Variants in GRIA2 observed in about 807,000 individuals in gnomAD.
GRIA2 encodes the protein glutamate receptor 2.
In GRIA2, 14 loss-of-function variants were observed where a neutral mutation model predicts 97.3. The observed-to-expected ratio is 0.14, with a 90% CI of 0.10 to 0.23. The LOEUF (loss-of-function observed/expected upper bound fraction) is 0.23, where lower values mean the gene tolerates loss of function less well. GRIA2 is among the 10% of genes least tolerant of loss of function. The pLI, the probability that GRIA2 is intolerant of heterozygous loss-of-function variation, is 1.00. For missense variants in GRIA2, 558 were observed against 1,069.8 expected, an observed-to-expected ratio of 0.52 and a Z score of 6.67; for synonymous variants, 412 against 387.8, an observed-to-expected ratio of 1.06 and a Z score of -0.73.
chr4:157,220,297 CGGA>C (rs1729426116), upstream of GRIA2: 1 of 152,224 alleles, frequency 6.6e-6, no homozygotes, highest in Non-Finnish European at 1.5e-5. Context: ...ACACAGCAGC[CGGA>C]GATCAGCTTT....
chr4:157,288,683 C>A (rs2126830230), intron 2 of GRIA2, among the ~76,000 whole-genome samples: 1 of 151,784 alleles, frequency 6.6e-6, no homozygotes, highest in Non-Finnish European at 1.5e-5. Flanking sequence ...GAAGATTTAG[C>A]CATTAGAAAC....
At position 157,363,886 on chromosome 4, in the gene GRIA2, T is replaced by C. The variant is rs1213789177; in HGVS notation, c.*455T>C. ...CTGTTTCTGCAGCCACTATTGTTAG[T>C]CTCTTGATTCATAATGACTTAAGCA... On this transcript the variant is annotated 3_prime_UTR_variant, in exon 16 of 16. Transcript: ENST00000264426. The C allele has an allele frequency of 4.3e-6, 1 of 234,738 alleles. No homozygotes were observed. Among genetic ancestry groups the C allele is most frequent in the East Asian group, 8.3e-5 (1 of 12,030 alleles). 14.5% of individuals were successfully genotyped at this position (234,738 alleles called of 1,614,324 possible). A position where few individuals can be genotyped will look rare whatever the true frequency, so the allele number is the denominator to read the frequency against.
intron 6 of GRIA2, among the ~76,000 whole-genome samples, chr4:157,329,068 G>A (rs975594514): frequency 6.6e-6 from 1 of 151,788 alleles, no homozygotes; most frequent in Admixed American, 6.6e-5. Flanking sequence ...TTTCCATAGG[G>A]TAAACTGTAG....
At chr4:157,337,393 G>A (rs1489954678) in intron 11 of GRIA2, among the ~76,000 whole-genome samples, 2 of 151,978 alleles carry the variant, frequency 1.3e-5, no homozygotes, top group African/African-American at 2.4e-5. Context: ...ATTATGATAT[G>A]TTAAATCCCT....
In GRIA2 at chr4:157,332,870, C is replaced by T. The variant is rs1408962625; in HGVS notation, c.934C>T (p.Arg312Cys). The change falls in exon 7 of 16, where the codon CGC (arginine) becomes TGC (cysteine). Residue 312 changes from arginine to cysteine, a missense_variant. Arg to Cys is a radical substitution (Grantham distance 180, BLOSUM62 -3). Coordinates refer to ENST00000264426, the MANE Select transcript of GRIA2 (RefSeq NM_001083619.3). The part of the protein sequence containing the change: ...DAVQVMTEAF[R>C]NLRKQRIEIS... ...CGTTCAAGTGATGACTGAAGCCTTC[C>T]GCAACCTAAGGAAGCAAAGAATTGA... 8 of 1,612,290 alleles carry T rather than the reference C, an allele frequency of 5.0e-6. No homozygotes were observed. Among genetic ancestry groups the T allele is most frequent in the Admixed American group, 1.7e-5 (1 of 59,896 alleles).
chr4:157,282,802 G>A (rs550805655), intron 2 of GRIA2, among the ~76,000 whole-genome samples: 209 of 152,144 alleles, frequency 1.4e-3, no homozygotes, highest in African/African-American at 4.9e-3. Context: ...TTCTGGCAAT[G>A]TTTACCAATC....
chr4:157,265,371 G>T (rs905029456), intron 2 of GRIA2, among the ~76,000 whole-genome samples: 2 of 152,128 alleles, frequency 1.3e-5, no homozygotes, highest in Admixed American at 1.3e-4. Context: ...TAGGTTTACA[G>T]GTATCAGCTG....
chr4:157,266,268 T>C (rs1181142737), intron 2 of GRIA2, among the ~76,000 whole-genome samples: 1 of 152,086 alleles, frequency 6.6e-6, no homozygotes, highest in Non-Finnish European at 1.5e-5. Flanking sequence ...AGAACTGCAT[T>C]GCATAACTGA....
intron 2 of GRIA2, among the ~76,000 whole-genome samples, chr4:157,248,553 G>GTA (rs1169850592): frequency 1.2e-4 from 17 of 142,984 alleles, no homozygotes; most frequent in Non-Finnish European, 1.1e-4. Context: ...GTGTGTGTGT[G>GTA]TATATATATA....
Position 157,365,571 on chromosome 4 carries a change from A to G in GRIA2, c.*2140A>G, listed in dbSNP as rs986120377. Reference sequence around the variant, plus strand: ...TATAGATACAACATGACAAGAATACATAATGTAAGAGTATTTCAACTATGG... The same window carrying G: ...TATAGATACAACATGACAAGAATACGTAATGTAAGAGTATTTCAACTATGG... On this transcript the variant is annotated 3_prime_UTR_variant, in exon 16 of 16. Coordinates refer to ENST00000264426, the MANE Select transcript of GRIA2 (RefSeq NM_001083619.3). The G allele has an allele frequency of 3.9e-5, 6 of 152,010 alleles. No homozygotes were observed. Among genetic ancestry groups the G allele is most frequent in the African/African-American group, 1.4e-4 (6 of 41,396 alleles). 9.4% of individuals were successfully genotyped at this position (152,010 alleles called of 1,614,324 possible). A position where few individuals can be genotyped will look rare whatever the true frequency, so the allele number is the denominator to read the frequency against.
In GRIA2 at chr4:157,342,416, A is replaced by G. The variant is rs574028551; in HGVS notation, c.2043+954A>G. On this transcript the variant is annotated intron_variant, in intron 12 of 15. Coordinates refer to ENST00000264426, the MANE Select transcript of GRIA2 (RefSeq NM_001083619.3). ...GAGTGGGGGTGGTAGAACCATGGCT[A>G]ATAACAGATAGTAACTTGGGTGTAT... The G allele has an allele frequency of 8.1e-6, 8 of 983,920 alleles. No homozygotes were observed. In the African/African-American group the frequency reaches 1.4e-4, roughly 17 times the overall value. The allele number at this position is 983,920 out of a possible 1,614,324, so 60.9% of individuals were successfully genotyped here. A position where few individuals can be genotyped will look rare whatever the true frequency, so the allele number is the denominator to read the frequency against.
chr4:157,278,943 A>C (rs1732472409), intron 2 of GRIA2, among the ~76,000 whole-genome samples: 2 of 152,126 alleles, frequency 1.3e-5, no homozygotes, highest in African/African-American at 2.4e-5. Context: ...AATATCCAGA[A>C]CACTGACAAC....
At chr4:157,247,776 G>C (rs879710166) in intron 2 of GRIA2, among the ~76,000 whole-genome samples, 10 of 152,106 alleles carry the variant, frequency 6.6e-5, no homozygotes, top group African/African-American at 9.7e-5. Flanking sequence ...ACACCAGAAT[G>C]AGGCACAGGA....
intron 2 of GRIA2, among the ~76,000 whole-genome samples, chr4:157,248,571 G>A (rs377300233): frequency 8.8e-4 from 4 of 4,526 alleles, no homozygotes; most frequent in African/African-American, 3.7e-3. Context: ...ATATACGTGT[G>A]TATATATATA....
At chr4:157,232,957 G>T (rs1260454466) in intron 2 of GRIA2, among the ~76,000 whole-genome samples, 3 of 152,254 alleles carry the variant, frequency 2.0e-5, no homozygotes, top group Non-Finnish European at 4.4e-5. Flanking sequence ...TTGTTTGCAA[G>T]ATACGCATTA....
chr4:157,342,289 T>C, intron 12 of GRIA2: 1 of 983,774 alleles, frequency 1.0e-6, no homozygotes, highest in Non-Finnish European at 1.2e-6. Context: ...GACCTTCAAA[T>C]GGCCATCAAA....
chr4:157,234,198 A>G (rs1379846094), intron 2 of GRIA2, among the ~76,000 whole-genome samples: 1 of 152,112 alleles, frequency 6.6e-6, no homozygotes, highest in South Asian at 2.1e-4. Context: ...TGCATATAAT[A>G]TAGTGATTAA....
At chr4:157,268,166 A>C (rs901714147) in intron 2 of GRIA2, among the ~76,000 whole-genome samples, 1 of 152,080 alleles carries the variant, frequency 6.6e-6, no homozygotes, top group African/African-American at 2.4e-5. Flanking sequence ...ATAGTATTTG[A>C]GTTATTCAAG....
chr4:157,220,596 C>G (rs1729440986), upstream of GRIA2: 2 of 153,094 alleles, frequency 1.3e-5, no homozygotes, highest in African/African-American at 4.8e-5. Flanking sequence ...GTCGCGCACG[C>G]GCGCCCGGGA....
Sources: allele counts gnomAD v4.1 joint callset (sites outside exome capture counted in the v4.1 genomes callset), GRCh38; gene constraint gnomAD v4.1.1; transcripts MANE v1.5; gene names NCBI Gene and HGNC (gene_info 2026-07-23, HGNC 2026-07-21).